SLC15A4: variants seen among roughly 807,000 people sequenced by gnomAD.
SLC15A4 encodes the protein solute carrier family 15 member 4.
SLC15A4 carries 26 observed loss-of-function variants against 46.1 expected under a neutral mutation model. That is an observed-to-expected ratio of 0.56 (90% confidence interval 0.41 to 0.78). The LOEUF is 0.78. Ranked by LOEUF, SLC15A4 falls within the 30% of genes least tolerant of loss-of-function variation. The probability of loss-of-function intolerance (pLI) is 0.00; values close to 1 mark genes in which losing one functional copy is unlikely to be tolerated. For missense variants in SLC15A4, 751 were observed against 755.7 expected (o/e 0.99, Z 0.07); for synonymous variants, 370 against 333.4 (o/e 1.11, Z -1.20).
rs1593021134 is a variant in SLC15A4, at chr12:128,823,554, G to C, written c.390C>G (p.Ala130=). 1 of 1,445,542 alleles carries C rather than the reference G, an allele frequency of 6.9e-7. No homozygotes were observed. Among genetic ancestry groups the C allele is most frequent in the South Asian group, 1.4e-5 (1 of 73,058 alleles). 89.5% of individuals were successfully genotyped at this position (1,445,542 alleles called of 1,614,324 possible). A position where few individuals can be genotyped will look rare whatever the true frequency, so the allele number is the denominator to read the frequency against. The change falls in exon 1 of 8, where the codon GCC becomes GCG. Residue 130 remains alanine (A), a synonymous_variant. Transcript: ENST00000266771. ...FPLLAAPATR[A]ALCGSARLLN... ...GCAGGCGCGCGGAACCGCAGAGCGC[G>C]GCTCGCGTGGCGGGCGCGGCCAGCA...
chr12:128,823,545 G>A lies in SLC15A4; in HGVS notation c.399C>T (p.Cys133=), dbSNP rs1311514027. 2.1e-6 allele frequency: 3 copies of A among 1,451,712 alleles called. No homozygotes were observed. Among genetic ancestry groups the A allele is most frequent in the Non-Finnish European group, 1.8e-6 (2 of 1,110,132 alleles). 89.9% of individuals were successfully genotyped at this position (1,451,712 alleles called of 1,614,324 possible). The change falls in exon 1 of 8, where the codon TGC becomes TGT. Residue 133 remains cysteine, a synonymous_variant. Transcript: ENST00000266771. ...LAAPATRAAL[C]GSARLLNCTA... ...TGCAGTTGAGCAGGCGCGCGGAACC[G>A]CAGAGCGCGGCTCGCGTGGCGGGCG... is the stretch of plus-strand genomic sequence containing the variant.
At chr12:128,816,147 A>G (rs149089475) in intron 1 of SLC15A4, among the ~76,000 whole-genome samples, 29 of 152,354 alleles carry the variant, frequency 1.9e-4, no homozygotes, top group African/African-American at 7.0e-4. Flanking sequence ...CTGAGGTAAT[A>G]ACGCAACATC....
At chr12:128,795,571 TG>T (rs1260245489) in intron 7 of SLC15A4, among the ~76,000 whole-genome samples, 1 of 152,086 alleles carries the variant, frequency 6.6e-6, no homozygotes, top group Non-Finnish European at 1.5e-5. Flanking sequence ...CTGGACGCGG[TG>T]AGGGTGCTAG....
At chr12:128,798,550 C>T (rs181120664) in intron 7 of SLC15A4, among the ~76,000 whole-genome samples, 325 of 152,280 alleles carry the variant, frequency 2.1e-3, no homozygotes, top group African/African-American at 7.5e-3. Context: ...TAAGTACTAC[C>T]GGACCAGAGC....
At chr12:128,814,737 T>C (rs1209757557) in intron 2 of SLC15A4, 38 bp downstream of exon 2, 3 of 1,598,578 alleles carry the variant, frequency 1.9e-6, no homozygotes, top group Non-Finnish European at 1.7e-6. Context: ...ATCGATAAAG[T>C]CCTTTCAAAC....
intron 5 of SLC15A4, among the ~76,000 whole-genome samples, chr12:128,803,399 T>G (rs1254465622): frequency 6.6e-6 from 1 of 151,900 alleles, no homozygotes; most frequent in African/African-American, 2.4e-5. Flanking sequence ...CCGCTTTTGT[T>G]GATGGATTCA....
chr12:128,813,084 A>T (rs1246158108), intron 2 of SLC15A4: 1 of 152,316 alleles, frequency 6.6e-6, no homozygotes, highest in East Asian at 1.9e-4. Flanking sequence ...CTAAAACTTT[A>T]AGGGTTGTTC....
intron 5 of SLC15A4, among the ~76,000 whole-genome samples, chr12:128,803,189 T>C (rs932287172): frequency 2.3e-4 from 35 of 152,038 alleles, no homozygotes; most frequent in Non-Finnish European, 8.8e-5. Context: ...TAAACAAAAC[T>C]GAGTATTACG....
intron 1 of SLC15A4, chr12:128,819,729 A>G (rs967886562): frequency 3.5e-4 from 53 of 152,362 alleles, no homozygotes; most frequent in African/African-American, 1.3e-3. Context: ...AGATCAGGCC[A>G]GCTATCTTTC....
intron 5 of SLC15A4, among the ~76,000 whole-genome samples, chr12:128,808,471 A>C (rs1047249731): frequency 6.6e-6 from 1 of 152,230 alleles, no homozygotes. Flanking sequence ...TAATTTACAA[A>C]AATTCATCTA....
chr12:128,816,450 G>A (rs1256097171), intron 1 of SLC15A4, among the ~76,000 whole-genome samples: 1 of 152,196 alleles, frequency 6.6e-6, no homozygotes. Context: ...GAAAGAGTTA[G>A]AAAATTCTTA....
intron 2 of SLC15A4, chr12:128,814,483 AC>A (rs1955715828): frequency 2.8e-6 from 1 of 359,592 alleles, no homozygotes; most frequent in Non-Finnish European, 5.1e-6. Context: ...ACAAATTTCT[AC>A]CTTTATAATC....
chr12:128,814,906 A>G lies in SLC15A4; in HGVS notation c.711T>C (p.Phe237=). The part of the protein sequence containing the change: ...AIPTVCVGLA[F]VVFLCGQSVF... ...CGCTCTGGCCACAGAGGAAGACCAC[A>G]AAAGCAAGGCCGACGCAGACAGTGG... Residue 237 remains phenylalanine, a synonymous_variant, in exon 2 of 8, where the codon TTT becomes TTC. Transcript: ENST00000266771. The G allele has an allele frequency of 6.2e-7, 1 of 1,614,192 alleles. No individual in the cohort carries two copies. Among genetic ancestry groups the G allele is most frequent in the Non-Finnish European group, 8.5e-7 (1 of 1,180,038 alleles).
intron 2 of SLC15A4, among the ~76,000 whole-genome samples, chr12:128,812,320 T>TA (rs1955667935): frequency 6.6e-6 from 1 of 151,366 alleles, no homozygotes; most frequent in Non-Finnish European, 1.5e-5. Flanking sequence ...TTTTTTTTTT[T>TA]ATTTTATTTT....
In SLC15A4 at chr12:128,793,782, TTAA is replaced by T. The variant is rs1955412419; in HGVS notation, c.*411_*413del. On this transcript the variant is annotated 3_prime_UTR_variant, in exon 8 of 8. Transcript: ENST00000266771. ...TTTCTTAAATATAAGTAACAGTTTA[TTAA>T]TTTTTTTTTTACAGTGAGATATGGC... is the stretch of plus-strand genomic sequence containing the variant. 1 of 5,042 alleles carries T rather than the reference TTAA, an allele frequency of 2.0e-4. No homozygotes were observed. The highest frequency in any genetic ancestry group is 3.9e-4 in the Non-Finnish European group (1 of 2,580). 0.3% of individuals were successfully genotyped at this position (5,042 alleles called of 1,614,324 possible).
intron 5 of SLC15A4, 128 bp downstream of exon 5, chr12:128,808,660 T>C (rs1272676882): frequency 6.0e-6 from 5 of 828,662 alleles, no homozygotes; most frequent in Admixed American, 2.6e-5. Flanking sequence ...AAATAACTGA[T>C]ACACATCCTC....
intron 5 of SLC15A4, among the ~76,000 whole-genome samples, chr12:128,804,014 C>T (rs188206193): frequency 6.6e-6 from 1 of 152,318 alleles, no homozygotes; most frequent in African/African-American, 2.4e-5. Flanking sequence ...GGCCTCAGGC[C>T]CACTGCCAGT....
chr12:128,813,855 A>C (rs1272018491), intron 2 of SLC15A4: 2 of 152,378 alleles, frequency 1.3e-5, no homozygotes, highest in Non-Finnish European at 2.9e-5. Context: ...CAACCTGAGT[A>C]AGTTTGTCAT....
chr12:128,815,198 T>C (rs1330993745), intron 1 of SLC15A4, 128 bp from the exon 2 acceptor site: 8 of 873,896 alleles, frequency 9.2e-6, no homozygotes, highest in East Asian at 2.5e-5. Context: ...ACAATCAAAA[T>C]TGTGTTTACA....
Sources: allele counts gnomAD v4.1 joint callset (sites outside exome capture counted in the v4.1 genomes callset), GRCh38; gene constraint gnomAD v4.1.1; transcripts MANE v1.5; gene names NCBI Gene and HGNC (gene_info 2026-07-23, HGNC 2026-07-21).